The following GRHL2 variants were observed in gnomAD, a reference collection of about 807,000 sequenced individuals.
GRHL2 encodes grainyhead-like protein 2 homolog.
GRHL2 carries 21 observed loss-of-function variants against 83.8 expected under a neutral mutation model. The ratio of observed to expected loss-of-function variants is 0.25; its 90% CI spans 0.18 to 0.36. The LOEUF is 0.36. Among genes scored for constraint, GRHL2 ranks in the 10% least tolerant of loss-of-function variants. The probability of loss-of-function intolerance (pLI) is 1.00; values close to 1 mark genes in which losing one functional copy is unlikely to be tolerated. For synonymous variants in GRHL2, 280 were observed against 278.9 expected (o/e 1.00, Z -0.04); for missense variants, 623 against 781.8 (o/e 0.80, Z 2.42).
intron 4 of GRHL2, among the ~76,000 whole-genome samples, chr8:101,561,185 T>G (rs1034534845): frequency 2.0e-5 from 3 of 152,120 alleles, no homozygotes; most frequent in Non-Finnish European, 2.9e-5. Context: ...TAAATGGTTT[T>G]ATGTGCAAAT....
At chr8:101,639,320 G>A (rs1194037368) in intron 12 of GRHL2, among the ~76,000 whole-genome samples, 1 of 152,226 alleles carries the variant, frequency 6.6e-6, no homozygotes, top group Admixed American at 6.5e-5. Flanking sequence ...GACATGGTAG[G>A]TGTGTAGCTA....
chr8:101,640,553 G>T (rs1813381068), intron 12 of GRHL2, among the ~76,000 whole-genome samples: 1 of 152,200 alleles, frequency 6.6e-6, no homozygotes, highest in Non-Finnish European at 1.5e-5. Flanking sequence ...CAAATAGCAT[G>T]CATGATGATA....
intron 9 of GRHL2, among the ~76,000 whole-genome samples, chr8:101,629,151 A>G (rs1179885626): frequency 6.6e-6 from 1 of 152,192 alleles, no homozygotes; most frequent in African/African-American, 2.4e-5. Flanking sequence ...GAGTTAATTC[A>G]TGCATCAAAC....
rs79334672 is a variant in GRHL2 at position 101,555,708 on chromosome 8, C to T, written c.285-2711C>T. 5.9e-3 allele frequency among the ~76,000 whole-genome samples: 896 copies of T among 152,254 alleles called. 5 individuals carry two copies. The highest frequency in any genetic ancestry group is 0.011 in the Non-Finnish European group (715 of 68,012). ...TACTTAAGGCTAGAAAGTGTGCAGA[C>T]TTGTGATTTTACTCCTTAGGAAATT... On this transcript the variant is annotated intron_variant, in intron 3 of 15. Transcript: ENST00000646743.
intron 1 of GRHL2, among the ~76,000 whole-genome samples, chr8:101,501,979 G>C (rs1017770921): frequency 6.6e-6 from 1 of 151,878 alleles, no homozygotes; most frequent in African/African-American, 2.4e-5. Flanking sequence ...TTAAGATTCT[G>C]ATACCATTAC....
intron 4 of GRHL2, among the ~76,000 whole-genome samples, chr8:101,560,516 G>T (rs1158341326): frequency 6.6e-6 from 1 of 152,156 alleles, no homozygotes; most frequent in Admixed American, 6.5e-5. Context: ...TTTCTCTCGG[G>T]TAAATACCTA....
rs193036792 is a variant in GRHL2, at chr8:101,631,590, T to C, written c.1258-47T>C. ...TATGTGTGACATGACTTTTGCATGC[T>C]CTGCTAATATGCCTGGCATTTTCTG... On this transcript the variant is annotated intron_variant, in intron 9 of 15. Transcript: ENST00000646743. 694 of 1,460,098 alleles carry C rather than the reference T, an allele frequency of 4.8e-4. 2 individuals are homozygous for C. In the African/African-American group the frequency reaches 8.3e-3, roughly 17 times the overall value. The allele number at this position is 1,460,098 out of a possible 1,614,324, so 90.4% of individuals were successfully genotyped here.
intron 1 of GRHL2, among the ~76,000 whole-genome samples, chr8:101,518,982 G>T (rs909637584): frequency 1.3e-5 from 2 of 152,140 alleles, no homozygotes; most frequent in Admixed American, 6.5e-5. Flanking sequence ...TGGAATGTAT[G>T]ACATGGGGCT....
chr8:101,571,382 G>C (rs1179099007), intron 5 of GRHL2, among the ~76,000 whole-genome samples: 3 of 152,030 alleles, frequency 2.0e-5, no homozygotes, highest in Admixed American at 6.6e-5. Context: ...GCAGCTGGGC[G>C]TGGTGGCTCA....
chr8:101,620,994 G>A (rs574261480), intron 9 of GRHL2, among the ~76,000 whole-genome samples: 2 of 152,074 alleles, frequency 1.3e-5, no homozygotes, highest in Admixed American at 1.3e-4. Context: ...AAAGGAAAGA[G>A]GTCAAAATAA....
chr8:101,636,054 T>A (rs57337051), intron 11 of GRHL2, among the ~76,000 whole-genome samples: 16,650 of 152,182 alleles, frequency 0.11, 1,921 homozygotes, highest in African/African-American at 0.3. Context: ...TCAGGTATTA[T>A]TCTTCACTCA....
At chr8:101,665,686 G>A (rs894226468) in intron 15 of GRHL2, among the ~76,000 whole-genome samples, 2 of 152,134 alleles carry the variant, frequency 1.3e-5, no homozygotes, top group Non-Finnish European at 2.9e-5. Flanking sequence ...TGTGCTAAAT[G>A]TTTTTATCAT....
intron 13 of GRHL2, among the ~76,000 whole-genome samples, chr8:101,645,730 G>C (rs1042199505): frequency 6.6e-6 from 1 of 152,082 alleles, no homozygotes; most frequent in Non-Finnish European, 1.5e-5. Context: ...CTCCGTGTTC[G>C]CTGTTGTAAC....
intron 14 of GRHL2, among the ~76,000 whole-genome samples, chr8:101,663,470 G>A (rs368930940): frequency 6.6e-6 from 1 of 152,002 alleles, no homozygotes; most frequent in Non-Finnish European, 1.5e-5. Context: ...AAATTAGCCA[G>A]GTGTGGTGGC....
chr8:101,669,246 A>ATTTTTTTTTTT lies in GRHL2; in HGVS notation c.*2550_*2551insTTTTTTTTTTT, dbSNP rs1296511438. 5.1e-4 allele frequency: 5 copies of ATTTTTTTTTTT among 9,726 alleles called. No individual in the cohort carries two copies. The highest frequency in any genetic ancestry group is 1.1e-3 in the Non-Finnish European group (5 of 4,566). The allele number at this position is 9,726 out of a possible 1,614,324, so 0.6% of individuals were successfully genotyped here. On this transcript the variant is annotated 3_prime_UTR_variant, in exon 16 of 16. Transcript: ENST00000646743. ...AAGATCATGGACATGTGAAATGAGC[A>ATTTTTTTTTTT]TTTTTTTCTTTTTTTTTTTTAACAA...
rs1332902964 is a variant in GRHL2, at chr8:101,594,095, AAAAGAG to A, written c.1004-4960_1004-4955del. Among the ~76,000 whole-genome samples, 21 of 104,950 alleles carry A rather than the reference AAAAGAG, an allele frequency of 2.0e-4. 1 individual carries two copies. The highest frequency in any genetic ancestry group is 8.7e-4 in the African/African-American group (19 of 21,722). The allele number at this position is 104,950 out of a possible 152,430, so 68.9% of individuals were successfully genotyped here. On this transcript the variant is annotated intron_variant, in intron 7 of 15. Transcript: ENST00000646743. ...AAAAAAAAAAAAAAAAAAAAAAAAA[AAAAGAG>A]AGAGATAGTGAAGGGGGAACAGATG...
At chr8:101,658,625 T>C (rs1035929136) in intron 14 of GRHL2, among the ~76,000 whole-genome samples, 1 of 152,316 alleles carries the variant, frequency 6.6e-6, no homozygotes, top group Non-Finnish European at 1.5e-5. Context: ...TGAGCCGAGG[T>C]GTTCCCTTTC....
At chr8:101,529,973 C>T (rs1473969799) in intron 1 of GRHL2, among the ~76,000 whole-genome samples, 1 of 152,166 alleles carries the variant, frequency 6.6e-6, no homozygotes, top group Non-Finnish European at 1.5e-5. Flanking sequence ...TGAAGTTACT[C>T]TAGGTGTTTT....
At chr8:101,587,732 T>C (rs143114723) in intron 7 of GRHL2, among the ~76,000 whole-genome samples, 2 of 152,132 alleles carry the variant, frequency 1.3e-5, no homozygotes, top group African/African-American at 4.8e-5. Flanking sequence ...TGGATTGGCT[T>C]AAAAATGACC....
Sources: gnomAD v4.1 joint callset for allele counts (sites outside exome capture counted in the v4.1 genomes callset) on GRCh38, gnomAD v4.1.1 for gene constraint, MANE v1.5 for transcripts, NCBI Gene and HGNC (gene_info 2026-07-23, HGNC 2026-07-21) for gene names.